The following ATP11A variants were observed in gnomAD, a reference collection of about 807,000 sequenced individuals.
ATP11A encodes the protein phospholipid-transporting ATPase IH.
A neutral mutation model predicts 154.4 loss-of-function variants in ATP11A; 81 were observed. That is an observed-to-expected ratio of 0.52 (90% CI 0.44 to 0.63). ATP11A has a LOEUF of 0.63. Ranked by LOEUF, ATP11A falls within the 30% of genes least tolerant of loss-of-function variation. ATP11A has a pLI of 0.00. For missense variants in ATP11A, 1,316 were observed against 1,474.3 expected, an observed-to-expected ratio of 0.89 and a Z score of 1.76; for synonymous variants, 623 against 585.9, an observed-to-expected ratio of 1.06 and a Z score of -0.91.
rs9603966 is a variant in ATP11A at position 112,843,926 on chromosome 13, C to T, written c.1809+1547C>T. 6.6e-3 allele frequency among the ~76,000 whole-genome samples: 1,008 copies of T among 152,294 alleles called. 19 individuals are homozygous for T. The highest frequency in any genetic ancestry group is 0.023 in the African/African-American group (949 of 41,552). On this transcript the variant is annotated intron_variant, in intron 17 of 29. Coordinates refer to ENST00000375645, the MANE Select transcript of ATP11A (RefSeq NM_015205.3). ...CAGCAGCAGGTTAAAGATTGTTGAA[C>T]TTCTCTGTGAGGGATCTGGAAAATA...
At position 112,779,089 on chromosome 13, in the gene ATP11A, GGAGTAGCCACTGGAGT is replaced by G. The variant is rs1294953147; in HGVS notation, c.40-6021_40-6006del. Among the ~76,000 whole-genome samples, 202 of 129,516 alleles carry G rather than the reference GGAGTAGCCACTGGAGT, an allele frequency of 1.6e-3. 4 individuals are homozygous for G. Among genetic ancestry groups the G allele is most frequent in the Non-Finnish European group, 3.0e-3 (182 of 60,698 alleles). 85.0% of individuals were successfully genotyped at this position (129,516 alleles called of 152,430 possible). ...GAGTGAGGAGTAGCCCCTGGAGTGA[GGAGTAGCCACTGGAGT>G]GAGTAGCCACTGGAGTGAGTAGCCG... On this transcript the variant is annotated intron_variant, in intron 1 of 29. Transcript: ENST00000375645.
intron 4 of ATP11A, among the ~76,000 whole-genome samples, chr13:112,809,556 A>G (rs1014965067): frequency 1.3e-5 from 2 of 151,486 alleles, no homozygotes; most frequent in Non-Finnish European, 2.9e-5. Context: ...GTGTCTCAGC[A>G]CACATGCAGT....
intron 16 of ATP11A, among the ~76,000 whole-genome samples, chr13:112,837,596 T>C (rs903051568): frequency 6.6e-6 from 1 of 152,196 alleles, no homozygotes; most frequent in African/African-American, 2.4e-5. Context: ...TCACTCTTCA[T>C]TGTTTCCTAA....
chr13:112,852,287 C>A (rs1594176742), intron 18 of ATP11A, among the ~76,000 whole-genome samples: 1 of 152,212 alleles, frequency 6.6e-6, no homozygotes, highest in Non-Finnish European at 1.5e-5. Flanking sequence ...TCTTTAAGAT[C>A]CATTTCGGTC....
intron 25 of ATP11A, among the ~76,000 whole-genome samples, chr13:112,866,147 A>T (rs533352519): frequency 3.9e-4 from 59 of 152,298 alleles, no homozygotes; most frequent in Non-Finnish European, 6.5e-4. Context: ...CCACCCTCAG[A>T]TAATGACTAC....
intron 1 of ATP11A, among the ~76,000 whole-genome samples, chr13:112,691,731 A>T (rs1301701634): frequency 6.6e-6 from 1 of 152,184 alleles, no homozygotes; most frequent in Non-Finnish European, 1.5e-5. Context: ...TTCTTTAAAT[A>T]GGAGACCTTG....
chr13:112,795,347 T>G (rs558737073), intron 2 of ATP11A, among the ~76,000 whole-genome samples: 3 of 152,346 alleles, frequency 2.0e-5, no homozygotes, highest in African/African-American at 7.2e-5. Context: ...CAGATCATAT[T>G]TTATCTCATA....
Position 112,785,292 on chromosome 13 carries a change from T to A in ATP11A, c.162+35T>A, listed in dbSNP as rs772996863. 6 of 1,404,010 alleles carry A rather than the reference T, an allele frequency of 4.3e-6. No homozygotes were observed. Among genetic ancestry groups the A allele is most frequent in the Non-Finnish European group, 4.7e-6 (5 of 1,069,196 alleles). 87.0% of individuals were successfully genotyped at this position (1,404,010 alleles called of 1,614,324 possible). A position where few individuals can be genotyped will look rare whatever the true frequency, so the allele number is the denominator to read the frequency against. Reference sequence around the variant, plus strand: ...CTTGGGTCTGAGTGTCCATAATGTGTCTAAAAAGCAGCTGCCGGGGGGTGT... The same window carrying A: ...CTTGGGTCTGAGTGTCCATAATGTGACTAAAAAGCAGCTGCCGGGGGGTGT... On this transcript the variant is annotated intron_variant, in intron 2 of 29. Coordinates refer to ENST00000375645, the MANE Select transcript of ATP11A (RefSeq NM_015205.3). This position sits in a 1 kb window ranked among gnomAD's most constrained non-coding sequence, Gnocchi z 4.8.
At chr13:112,857,739 G>T (rs1345614838) in intron 20 of ATP11A, 79 bp from the exon 21 acceptor site, 2 of 1,175,844 alleles carry the variant, frequency 1.7e-6, no homozygotes, top group Non-Finnish European at 2.5e-6. Flanking sequence ...TTTCATCTTT[G>T]TTATTTCTGC....
rs145055504 is a variant in ATP11A, at chr13:112,877,800, C to T, written c.3328-417C>T. On this transcript the variant is annotated intron_variant, in intron 28 of 29. Transcript: ENST00000375645. Reference sequence around the variant, plus strand: ...TCGGGGCTGCCGAGGGCCACGCCCCCGGATGTGTCTGACCACAGGCCCTCT... The same window carrying T: ...TCGGGGCTGCCGAGGGCCACGCCCCTGGATGTGTCTGACCACAGGCCCTCT... Among the ~76,000 whole-genome samples, 42 of 152,326 alleles carry T rather than the reference C, an allele frequency of 2.8e-4. No homozygotes were observed. The East Asian group carries it at 3.3e-3, about 12-fold the overall frequency.
In ATP11A at chr13:112,859,260, C is replaced by A; in HGVS notation, c.2668-133C>A. Reference sequence around the variant, plus strand: ...TGAAATAAGAGAAAGCTTTCTAGAACCCATTAGTGCTGTTCTGCCGCACGC... The same window carrying A: ...TGAAATAAGAGAAAGCTTTCTAGAAACCATTAGTGCTGTTCTGCCGCACGC... On this transcript the variant is annotated intron_variant, in intron 22 of 29. Coordinates refer to ENST00000375645, the MANE Select transcript of ATP11A (RefSeq NM_015205.3). This position sits in a 1 kb window ranked among gnomAD's most constrained non-coding sequence, Gnocchi z 4.3. The A allele has an allele frequency of 1.3e-6, 1 of 754,978 alleles. No homozygotes were observed. The highest frequency in any genetic ancestry group is 2.4e-6 in the Non-Finnish European group (1 of 415,006). The allele number at this position is 754,978 out of a possible 1,614,324, so 46.8% of individuals were successfully genotyped here.
intron 4 of ATP11A, among the ~76,000 whole-genome samples, 164 bp downstream of exon 4, chr13:112,806,457 A>C (rs2078324985): frequency 6.6e-6 from 1 of 152,210 alleles, no homozygotes; most frequent in South Asian, 2.1e-4. Flanking sequence ...CTTGAAGCGA[A>C]ATAAGAGATG....
At chr13:112,792,050 A>G (rs2077874963) in intron 2 of ATP11A, among the ~76,000 whole-genome samples, 2 of 152,148 alleles carry the variant, frequency 1.3e-5, no homozygotes, top group South Asian at 2.1e-4. Flanking sequence ...AAATCCGCCC[A>G]TGCATTGAGA....
At position 112,690,277 on chromosome 13, in the gene ATP11A, G is replaced by A. The variant is rs1788314017; in HGVS notation, c.-140G>A. On this transcript the variant is annotated 5_prime_UTR_variant, in exon 1 of 30. Transcript: ENST00000375645. This position sits in a 1 kb window ranked among gnomAD's most constrained non-coding sequence, Gnocchi z 5.6. ...CCGGGCATGAGCGCGGAGGGGCCGC[G>A]GCCGCCCCCTGCACCGCCCGGCGCG... 1 of 415,476 alleles carries A rather than the reference G, an allele frequency of 2.4e-6. No homozygotes were observed. The highest frequency in any genetic ancestry group is 3.3e-6 in the Non-Finnish European group (1 of 299,628). 25.7% of individuals were successfully genotyped at this position (415,476 alleles called of 1,614,324 possible). A position where few individuals can be genotyped will look rare whatever the true frequency, so the allele number is the denominator to read the frequency against.
Position 112,831,377 on chromosome 13 carries a change from G to A in ATP11A, c.1224G>A (p.Val408=). The change falls in exon 13 of 30, where the codon GTG becomes GTA. Residue 408 remains valine (V), a splice_region_variant and synonymous_variant. Coordinates refer to ENST00000375645, the MANE Select transcript of ATP11A (RefSeq NM_015205.3). ...TSDLNEELGQ[V]EYIFTDKTGT... ...GACTTGCTGTGCCCTGCCCGCAGGT[G>A]GAGTACATCTTCACAGACAAGACCG... is the stretch of plus-strand genomic sequence containing the variant. 6.2e-7 allele frequency: 1 copy of A among 1,613,820 alleles called. No homozygotes were observed. The highest frequency in any genetic ancestry group is 8.5e-7 in the Non-Finnish European group (1 of 1,179,718).
chr13:112,879,786 G>A (rs1332416444), intron 29 of ATP11A, among the ~76,000 whole-genome samples: 1 of 152,230 alleles, frequency 6.6e-6, no homozygotes, highest in African/African-American at 2.4e-5. Flanking sequence ...TAGTCCTCAC[G>A]TGGGGCATAT....
At chr13:112,871,826 T>TC (rs1416442130) in intron 26 of ATP11A, 26 bp downstream of exon 26, 2 of 1,605,696 alleles carry the variant, frequency 1.2e-6, no homozygotes, top group African/African-American at 2.7e-5. Context: ...CTCACGTTCC[T>TC]CCCCCAGCCA....
At chr13:112,812,781 C>T (rs1370328167) in intron 5 of ATP11A, among the ~76,000 whole-genome samples, 1 of 152,228 alleles carries the variant, frequency 6.6e-6, no homozygotes, top group Admixed American at 6.5e-5. Flanking sequence ...TCAGTGAGTT[C>T]AGATGAGTGA....
chr13:112,866,090 GT>G (rs746496197), intron 25 of ATP11A, among the ~76,000 whole-genome samples: 97 of 152,276 alleles, frequency 6.4e-4, no homozygotes, highest in Non-Finnish European at 1.1e-3. Context: ...CTGGGGGTTT[GT>G]TTTATTTGTA....
Sources: allele counts gnomAD v4.1 joint callset (sites outside exome capture counted in the v4.1 genomes callset), GRCh38; gene constraint gnomAD v4.1.1; non-coding constraint Gnocchi (gnomAD v3.1); transcripts MANE v1.5; gene names NCBI Gene and HGNC (gene_info 2026-07-23, HGNC 2026-07-21).